C12orf42: variants seen among roughly 807,000 people sequenced by gnomAD.
C12orf42 encodes chromosome 12 open reading frame 42, also known as uncharacterized protein C12orf42.
Under a neutral mutation model 21.6 loss-of-function variants are expected in C12orf42, and 25 were observed. The ratio of observed to expected loss-of-function variants is 1.16; its 90% CI spans 0.84 to 1.62. The LOEUF (loss-of-function observed/expected upper bound fraction) is 1.62, where lower values mean the gene tolerates loss of function less well. C12orf42 is among the 40% of genes most tolerant of loss of function. The pLI is 0.00. For missense variants in C12orf42, 483 were observed against 459.3 expected (o/e 1.05, Z -0.47); for synonymous variants, 174 against 175.0 (o/e 0.99, Z 0.05).
intron 3 of C12orf42, among the ~76,000 whole-genome samples, chr12:103,374,567 A>G (rs1290079400): frequency 6.6e-6 from 1 of 152,134 alleles, no homozygotes; most frequent in Non-Finnish European, 1.5e-5. Context: ...TGAGGGTTCA[A>G]AATGTAGTCT....
At chr12:103,369,425 T>C (rs1450325901) in intron 3 of C12orf42, among the ~76,000 whole-genome samples, 3 of 151,062 alleles carry the variant, frequency 2.0e-5, no homozygotes, top group Admixed American at 1.3e-4. Flanking sequence ...AAATAAGAGA[T>C]ACATTTTCAT....
At chr12:103,529,168 G>A in the C12orf42 span, among the ~76,000 whole-genome samples, 2 of 152,166 alleles carry the variant, frequency 1.3e-5, no homozygotes, top group Non-Finnish European at 2.9e-5. Context: ...TCCTATCCAC[G>A]TATCGGCATC....
chr12:103,126,010 C>T, the C12orf42 span, among the ~76,000 whole-genome samples: 585 of 152,240 alleles, frequency 3.8e-3, 2 homozygotes, highest in African/African-American at 0.013. Flanking sequence ...CTGGAAATGG[C>T]GCTCTCCCTC....
chr12:103,049,037 C>G, the C12orf42 span, among the ~76,000 whole-genome samples: 1 of 152,178 alleles, frequency 6.6e-6, no homozygotes, highest in South Asian at 2.1e-4. Context: ...ACTCATTCTC[C>G]TGATGATTTC....
the C12orf42 span, among the ~76,000 whole-genome samples, chr12:103,553,308 A>G: frequency 3.3e-5 from 5 of 152,128 alleles, no homozygotes; most frequent in Non-Finnish European, 7.4e-5. Context: ...GCAAAAATGA[A>G]GGTTTGGAGA....
chr12:103,392,436 A>T (rs1385984453), intron 3 of C12orf42, among the ~76,000 whole-genome samples: 1 of 152,238 alleles, frequency 6.6e-6, no homozygotes, highest in East Asian at 1.9e-4. Context: ...CTATCATATT[A>T]ATGTTAAGTC....
chr12:103,284,554 G>T (rs907809533), intron 4 of C12orf42, among the ~76,000 whole-genome samples: 1 of 152,186 alleles, frequency 6.6e-6, no homozygotes, highest in African/African-American at 2.4e-5. Flanking sequence ...CTAAGACCAG[G>T]AATTTGGGGT....
chr12:103,396,086 A>G (rs1464693699), intron 3 of C12orf42, among the ~76,000 whole-genome samples: 1 of 150,750 alleles, frequency 6.6e-6, no homozygotes, highest in African/African-American at 2.4e-5. Context: ...CTTTTGTTAT[A>G]TTATATAAAT....
chr12:103,233,940 G>C (rs1593183434), downstream of C12orf42, among the ~76,000 whole-genome samples: 1 of 152,156 alleles, frequency 6.6e-6, no homozygotes, highest in African/African-American at 2.4e-5. Flanking sequence ...TTAAATTGTA[G>C]ATATACTTCA....
chr12:103,116,020 A>G, the C12orf42 span, among the ~76,000 whole-genome samples: 15 of 152,276 alleles, frequency 9.9e-5, no homozygotes, highest in African/African-American at 3.6e-4. Context: ...GCAAATTTTT[A>G]CTGCCAAAAT....
intron 2 of C12orf42, among the ~76,000 whole-genome samples, chr12:103,430,858 C>T (rs1356585692): frequency 6.6e-6 from 1 of 152,118 alleles, no homozygotes; most frequent in Non-Finnish European, 1.5e-5. Flanking sequence ...CAAACTAACA[C>T]AGGAACAGAA....
chr12:103,331,813 G>A (rs1288072880), intron 4 of C12orf42, among the ~76,000 whole-genome samples: 2 of 152,196 alleles, frequency 1.3e-5, no homozygotes, highest in Non-Finnish European at 2.9e-5. Context: ...GAATTAAATA[G>A]ATAAGGAGGG....
At chr12:103,158,802 C>A in the C12orf42 span, among the ~76,000 whole-genome samples, 1 of 151,314 alleles carries the variant, frequency 6.6e-6, no homozygotes, top group Non-Finnish European at 1.5e-5. Context: ...ATCACTTAAA[C>A]CCGGGAGGCG....
At chr12:103,375,358 G>A (rs1007324272) in intron 3 of C12orf42, among the ~76,000 whole-genome samples, 1 of 152,144 alleles carries the variant, frequency 6.6e-6, no homozygotes, top group Non-Finnish European at 1.5e-5. Flanking sequence ...TATCAGAAAT[G>A]TATCCCAGTG....
At chr12:103,507,975 G>T in the C12orf42 span, among the ~76,000 whole-genome samples, 16 of 152,144 alleles carry the variant, frequency 1.1e-4, no homozygotes, top group African/African-American at 3.6e-4. Flanking sequence ...TGAAGTGAGA[G>T]GGCTGGGCAT....
In C12orf42 at chr12:103,428,227, C is replaced by T. The variant is rs192114345; in HGVS notation, c.79-26552G>A. Among the ~76,000 whole-genome samples the T allele has an allele frequency of 3.6e-3, 545 of 151,788 alleles. 6 individuals are homozygous for T. Among genetic ancestry groups the T allele is most frequent in the African/African-American group, 0.012 (506 of 41,394 alleles). ...CAAGATGGATAGACCACTAGCCAGACTAATAAAGAAGAAAAAAGAGAAGAA... is the reference window on the plus strand; with the variant it reads ...CAAGATGGATAGACCACTAGCCAGATTAATAAAGAAGAAAAAAGAGAAGAA... On this transcript the variant is annotated intron_variant, in intron 2 of 5. Coordinates refer to ENST00000548883, the MANE Select transcript of C12orf42 (RefSeq NM_198521.5).
intron 2 of C12orf42, among the ~76,000 whole-genome samples, chr12:103,434,608 A>T (rs1257463834): frequency 6.6e-6 from 1 of 152,136 alleles, no homozygotes; most frequent in African/African-American, 2.4e-5. Context: ...GGGGTCAGGG[A>T]GTTCCCTTTC....
chr12:103,281,922 A>AGAAAGAAAGAAG (rs2036152553), intron 4 of C12orf42, among the ~76,000 whole-genome samples: 1 of 132,682 alleles, frequency 7.5e-6, no homozygotes, highest in South Asian at 2.2e-4. Flanking sequence ...AGAAAAAGAA[A>AGAAAGAAAGAAG]GAAAGAAAGA....
intron 4 of C12orf42, among the ~76,000 whole-genome samples, chr12:103,283,959 C>T (rs879109383): frequency 2.6e-5 from 4 of 152,146 alleles, no homozygotes; most frequent in Non-Finnish European, 5.9e-5. Context: ...TTAATTATCA[C>T]GAGAGGAAAA....
Sources: gnomAD v4.1 joint callset for allele counts (sites outside exome capture counted in the v4.1 genomes callset) on GRCh38, gnomAD v4.1.1 for gene constraint, MANE v1.5 for transcripts, NCBI Gene and HGNC (gene_info 2026-07-23, HGNC 2026-07-21) for gene names.